The following COLGALT2 variants were observed in gnomAD, a reference collection of about 807,000 sequenced individuals.
COLGALT2 encodes the protein collagen beta(1-O)galactosyltransferase 2.
COLGALT2 carries 49 observed loss-of-function variants against 73.4 expected under a neutral mutation model. The observed-to-expected ratio is 0.67, with a 90% CI of 0.53 to 0.85. The LOEUF is 0.85. COLGALT2 is among the 40% of genes least tolerant of loss of function. COLGALT2 has a pLI of 0.00. For synonymous variants in COLGALT2, 295 were observed against 307.6 expected, an observed-to-expected ratio of 0.96 and a Z score of 0.43; for missense variants, 722 against 790.2, an observed-to-expected ratio of 0.91 and a Z score of 1.03.
intron 1 of COLGALT2, among the ~76,000 whole-genome samples, chr1:184,028,333 C>T (rs1159127160): frequency 6.6e-6 from 1 of 152,164 alleles, no homozygotes; most frequent in East Asian, 1.9e-4. Flanking sequence ...AGGGAGAACA[C>T]CAATCAATGT....
chr1:184,032,841 G>A (rs897311937), intron 1 of COLGALT2, among the ~76,000 whole-genome samples: 23 of 152,184 alleles, frequency 1.5e-4, no homozygotes, highest in Non-Finnish European at 7.3e-5. Flanking sequence ...AAACAATTAT[G>A]AAAATGCTAC....
At position 183,978,450 on chromosome 1, in the gene COLGALT2, GTCTC is replaced by G; in HGVS notation, c.330_333del (p.Gln110HisfsTer34). 6.2e-7 allele frequency: 1 copy of G among 1,612,254 alleles called. No homozygotes were observed. ...GGCCTCCACTCCACATAGTGATAGAGTCTCTGTACATTTTTCAACCACTCCCTGA... is the reference window on the plus strand; with the variant it reads ...GGCCTCCACTCCACATAGTGATAGAGTGTACATTTTTCAACCACTCCCTGA... On this transcript the variant is annotated frameshift_variant, in exon 2 of 12. Coordinates refer to ENST00000361927, the MANE Select transcript of COLGALT2 (RefSeq NM_015101.4). LOFTEE classifies it high-confidence loss of function.
At chr1:183,935,155 C>G (rs1157299151), downstream of COLGALT2, among the ~76,000 whole-genome samples, 1 of 152,230 alleles carries the variant, frequency 6.6e-6, no homozygotes, top group Non-Finnish European at 1.5e-5. Flanking sequence ...AATTCATCCT[C>G]CAAAACCCAA....
Position 183,944,241 on chromosome 1 carries a change from T to C in COLGALT2, c.1352A>G (p.Lys451Arg). Residue 451 changes from lysine (K) to arginine (R), a missense_variant, in exon 10 of 12, where the codon AAG becomes AGG. Coordinates refer to ENST00000361927, the MANE Select transcript of COLGALT2 (RefSeq NM_015101.4). Reference protein sequence around the residue: ...FEHQFKKKLMKLMDNIDQAQL... With the variant: ...FEHQFKKKLMRLMDNIDQAQL... ...AGCCTGGTCAATGTTATCCATCAGC[T>C]TCATCAGCTTCTTCTTAAACTGATG... 6.2e-7 allele frequency: 1 copy of C among 1,614,008 alleles called. No individual in the cohort carries two copies. The highest frequency in any genetic ancestry group is 8.5e-7 in the Non-Finnish European group (1 of 1,179,968).
Position 183,937,225 on chromosome 1 carries a change from T to C in COLGALT2, c.*1536A>G, listed in dbSNP as rs1669980331. The C allele has an allele frequency of 2.5e-6, 3 of 1,209,174 alleles. No homozygotes were observed. The highest frequency in any genetic ancestry group is 3.1e-6 in the Non-Finnish European group (3 of 974,236). The allele number at this position is 1,209,174 out of a possible 1,614,324, so 74.9% of individuals were successfully genotyped here. On this transcript the variant is annotated 3_prime_UTR_variant, in exon 12 of 12. Transcript: ENST00000361927. ...TTTGGGGTGTGCACGGCCCCCCATATGGCTGCATGGTGCATGGACAGTGAT... is the reference window on the plus strand; with the variant it reads ...TTTGGGGTGTGCACGGCCCCCCATACGGCTGCATGGTGCATGGACAGTGAT...
intron 1 of COLGALT2, among the ~76,000 whole-genome samples, chr1:183,980,046 A>G (rs2986559): frequency 0.72 from 109,804 of 151,838 alleles, 41,059 homozygotes; most frequent in Non-Finnish European, 0.82. Flanking sequence ...ATAAATACAA[A>G]CCAATTTCAG....
intron 1 of COLGALT2, among the ~76,000 whole-genome samples, chr1:183,992,713 A>T (rs1422831900): frequency 6.6e-6 from 1 of 152,200 alleles, no homozygotes; most frequent in Non-Finnish European, 1.5e-5. Flanking sequence ...AGCTTTTTAA[A>T]AGCTTGCTCC....
At chr1:183,993,071 T>C (rs1026545862) in intron 1 of COLGALT2, among the ~76,000 whole-genome samples, 3 of 152,190 alleles carry the variant, frequency 2.0e-5, no homozygotes, top group African/African-American at 7.2e-5. Flanking sequence ...CATCCTCACT[T>C]TTTACAAGAA....
chr1:183,963,877 C>A (rs1339844685), intron 6 of COLGALT2, 24 bp downstream of exon 6: 6 of 1,557,936 alleles, frequency 3.9e-6, no homozygotes, highest in Non-Finnish European at 5.2e-6. Flanking sequence ...CGAGAGCCAT[C>A]CCCTCTGCTC....
intron 11 of COLGALT2, 102 bp downstream of exon 11, chr1:183,940,479 A>G: frequency 9.7e-7 from 1 of 1,026,674 alleles, no homozygotes; most frequent in East Asian, 2.4e-5. Flanking sequence ...CATTTAGGAA[A>G]GCAGTACAAC....
At chr1:183,963,654 T>G (rs1447455976) in intron 6 of COLGALT2, among the ~76,000 whole-genome samples, 1 of 152,216 alleles carries the variant, frequency 6.6e-6, no homozygotes, top group Non-Finnish European at 1.5e-5. Context: ...TCAGATCTTT[T>G]GGAAAGTATT....
At chr1:183,971,291 G>T (rs142232752) in intron 4 of COLGALT2, among the ~76,000 whole-genome samples, 127 of 152,258 alleles carry the variant, frequency 8.3e-4, no homozygotes, top group Middle Eastern at 6.8e-3. Flanking sequence ...CTCTAGTAGA[G>T]ACTAACTGGG....
chr1:183,937,624 G>T lies in COLGALT2; in HGVS notation c.*1137C>A, dbSNP rs879363943. 13 of 985,256 alleles carry T rather than the reference G, an allele frequency of 1.3e-5. No homozygotes were observed. The highest frequency in any genetic ancestry group is 1.6e-5 in the Non-Finnish European group (13 of 829,944). The allele number at this position is 985,256 out of a possible 1,614,324, so 61.0% of individuals were successfully genotyped here. On this transcript the variant is annotated 3_prime_UTR_variant, in exon 12 of 12. Transcript: ENST00000361927. ...CCCATCCACAGGCCTCCCCACAAGA[G>T]CCTGGCTGGGAAATTCAGGAGAATC... is the stretch of plus-strand genomic sequence containing the variant.
chr1:184,033,857 T>C (rs1389438784), intron 1 of COLGALT2, among the ~76,000 whole-genome samples: 2 of 152,202 alleles, frequency 1.3e-5, no homozygotes, highest in Non-Finnish European at 2.9e-5. Flanking sequence ...GAGTGAGTTA[T>C]TGTGGTCAGA....
chr1:184,033,115 T>A (rs573040399), intron 1 of COLGALT2, among the ~76,000 whole-genome samples: 1 of 152,236 alleles, frequency 6.6e-6, no homozygotes, highest in African/African-American at 2.4e-5. Context: ...ACTCTGTGAA[T>A]CCCAACTGTC....
At chr1:184,014,220 G>T (rs987913262) in intron 1 of COLGALT2, among the ~76,000 whole-genome samples, 1 of 152,140 alleles carries the variant, frequency 6.6e-6, no homozygotes, top group Non-Finnish European at 1.5e-5. Context: ...AGATCCCAGG[G>T]GAACACCACT....
intron 1 of COLGALT2, among the ~76,000 whole-genome samples, chr1:184,013,327 C>T (rs1191666980): frequency 6.6e-6 from 1 of 152,152 alleles, no homozygotes; most frequent in Non-Finnish European, 1.5e-5. Context: ...AACAAACAAA[C>T]AAACAAAACA....
At chr1:183,975,283 T>C in intron 2 of COLGALT2, 69 bp from the exon 3 acceptor site, 2 of 858,064 alleles carry the variant, frequency 2.3e-6, no homozygotes, top group South Asian at 1.7e-5. Flanking sequence ...TAAATGTTTA[T>C]ATGTATTCAT....
chr1:183,934,769 G>A (rs1669913818), downstream of COLGALT2, among the ~76,000 whole-genome samples: 1 of 152,068 alleles, frequency 6.6e-6, no homozygotes. Flanking sequence ...CAATCATAAG[G>A]GAAAAACCAT....
Sources: allele counts gnomAD v4.1 joint callset (sites outside exome capture counted in the v4.1 genomes callset), GRCh38; gene constraint gnomAD v4.1.1; transcripts MANE v1.5; gene names NCBI Gene and HGNC (gene_info 2026-07-23, HGNC 2026-07-21).